The following TMX1 variants were observed in gnomAD, a reference collection of about 807,000 sequenced individuals.
TMX1 encodes thioredoxin-related transmembrane protein 1.
Under a neutral mutation model 36.6 loss-of-function variants are expected in TMX1, and 25 were observed. That is an observed-to-expected ratio of 0.68 (90% CI 0.50 to 0.95). The LOEUF (loss-of-function observed/expected upper bound fraction) is 0.95. Ranked by LOEUF, TMX1 falls within the 40% of genes least tolerant of loss-of-function variation. The pLI, the probability that TMX1 is intolerant of heterozygous loss-of-function variation, is 0.00. For missense variants in TMX1, 347 were observed against 339.6 expected (o/e 1.02, Z -0.17); for synonymous variants, 133 against 118.0 (o/e 1.13, Z -0.82).
At chr14:51,247,916 G>A (rs769174664) in intron 4 of TMX1, among the ~76,000 whole-genome samples, 2 of 152,156 alleles carry the variant, frequency 1.3e-5, no homozygotes, top group Non-Finnish European at 2.9e-5. Flanking sequence ...ACTTCAATTT[G>A]TCTTTTAATG....
At chr14:51,241,601 G>A (rs918235214) in intron 1 of TMX1, among the ~76,000 whole-genome samples, 7 of 152,260 alleles carry the variant, frequency 4.6e-5, no homozygotes, top group Admixed American at 3.3e-4. Flanking sequence ...AGTGGCGTAC[G>A]CTACCCAGGA....
Position 51,257,650 on chromosome 14 carries a change from T to C in TMX1, c.*3131T>C, listed in dbSNP as rs2065844610. ...AATTTAAGTTGGAATTTTGGTAATA[T>C]GTAAATAGCAAAGTCAGATTATATA... On this transcript the variant is annotated 3_prime_UTR_variant, in exon 8 of 8. Coordinates refer to ENST00000457354, the MANE Select transcript of TMX1 (RefSeq NM_030755.5). 1 of 152,214 alleles carries C rather than the reference T, an allele frequency of 6.6e-6. No homozygotes were observed. The highest frequency in any genetic ancestry group is 1.5e-5 in the Non-Finnish European group (1 of 68,032). 9.4% of individuals were successfully genotyped at this position (152,214 alleles called of 1,614,324 possible).
chr14:51,240,949 G>A (rs1039288289), intron 1 of TMX1, among the ~76,000 whole-genome samples: 1 of 151,970 alleles, frequency 6.6e-6, no homozygotes, highest in Admixed American at 6.5e-5. Flanking sequence ...TAATGGATTG[G>A]GTACGTTTCT....
chr14:51,245,602 G>A, intron 3 of TMX1: 1 of 905,814 alleles, frequency 1.1e-6, no homozygotes, highest in Admixed American at 2.5e-5. Flanking sequence ...CTTGTGAAAT[G>A]GTGTGATCCT....
At chr14:51,247,253 CA>C (rs2065789959) in intron 4 of TMX1, 33 bp downstream of exon 4, 1 of 1,574,170 alleles carries the variant, frequency 6.4e-7, no homozygotes, top group African/African-American at 1.4e-5. Flanking sequence ...TTACCCATTT[CA>C]TAATTAATTG....
chr14:51,241,856 G>A (rs1365287647), intron 1 of TMX1, among the ~76,000 whole-genome samples: 1 of 152,160 alleles, frequency 6.6e-6, no homozygotes, highest in Non-Finnish European at 1.5e-5. Context: ...ACTGGCCGGC[G>A]CGGTGGCTCA....
In TMX1 at chr14:51,244,777, C is replaced by CA. The variant is rs1258188677; in HGVS notation, c.269-535dup. 2.0e-5 allele frequency among the ~76,000 whole-genome samples: 3 copies of CA among 152,276 alleles called. No individual in the cohort carries two copies. The East Asian group carries it at 5.8e-4, about 29-fold the overall frequency. On this transcript the variant is annotated intron_variant, in intron 2 of 7. Coordinates refer to ENST00000457354, the MANE Select transcript of TMX1 (RefSeq NM_030755.5). ...AACCCCGTGAAATATGTAATGTCCCCATTTCACAGATAAGAAAACTGAGGC... is the reference window on the plus strand; with the variant it reads ...AACCCCGTGAAATATGTAATGTCCCCAATTTCACAGATAAGAAAACTGAGGC...
intron 2 of TMX1, 90 bp downstream of exon 2, chr14:51,244,061 C>A: frequency 1.9e-6 from 2 of 1,077,592 alleles, no homozygotes; most frequent in Non-Finnish European, 2.5e-6. Flanking sequence ...TTAATTCTAC[C>A]TTTCTTTAGG....
chr14:51,253,541 A>G (rs1157649290), intron 7 of TMX1, among the ~76,000 whole-genome samples: 2 of 152,170 alleles, frequency 1.3e-5, no homozygotes, highest in African/African-American at 2.4e-5. Context: ...TTGATTGCCT[A>G]GGATTGGGGG....
intron 1 of TMX1, 90 bp downstream of exon 1, chr14:51,240,534 G>A (rs1389333814): frequency 6.7e-7 from 1 of 1,496,540 alleles, no homozygotes; most frequent in Non-Finnish European, 8.9e-7. Flanking sequence ...GGCTCCCCAG[G>A]ACTGCGCCTC....
At chr14:51,244,005 G>A (rs1483662099) in intron 2 of TMX1, 34 bp downstream of exon 2, 1 of 1,539,568 alleles carries the variant, frequency 6.5e-7, no homozygotes, top group Non-Finnish European at 8.9e-7. Context: ...TTGTTTCTTT[G>A]CTGTTTGGGT....
intron 1 of TMX1, among the ~76,000 whole-genome samples, chr14:51,241,896 G>A (rs2065763411): frequency 6.6e-6 from 1 of 152,212 alleles, no homozygotes; most frequent in Admixed American, 6.5e-5. Context: ...TTGGGAGGCC[G>A]AGGCCGGTGG....
intron 2 of TMX1, among the ~76,000 whole-genome samples, chr14:51,245,058 T>A (rs1263863925): frequency 6.6e-6 from 1 of 152,196 alleles, no homozygotes; most frequent in Non-Finnish European, 1.5e-5. Flanking sequence ...ATATAAATGT[T>A]GAAGTGTTTT....
In TMX1 at chr14:51,257,644, G is replaced by A. The variant is rs1397633352; in HGVS notation, c.*3125G>A. On this transcript the variant is annotated 3_prime_UTR_variant, in exon 8 of 8. Transcript: ENST00000457354. ...ACAATAAATTTAAGTTGGAATTTTG[G>A]TAATATGTAAATAGCAAAGTCAGAT... 6.6e-6 allele frequency: 1 copy of A among 152,108 alleles called. No individual in the cohort carries two copies. The highest frequency in any genetic ancestry group is 1.5e-5 in the Non-Finnish European group (1 of 68,014). 9.4% of individuals were successfully genotyped at this position (152,108 alleles called of 1,614,324 possible).
chr14:51,245,231 T>A (rs1385868647), intron 2 of TMX1, 82 bp from the exon 3 acceptor site: 1 of 1,449,266 alleles, frequency 6.9e-7, no homozygotes, highest in Non-Finnish European at 9.6e-7. Context: ...CCTATTAGTA[T>A]GTATTTAAAT....
At chr14:51,240,912 T>C (rs951241921) in intron 1 of TMX1, among the ~76,000 whole-genome samples, 2 of 152,214 alleles carry the variant, frequency 1.3e-5, no homozygotes, top group African/African-American at 4.8e-5. Flanking sequence ...TTTATGGTGT[T>C]GGAATTTGGC....
intron 7 of TMX1, among the ~76,000 whole-genome samples, chr14:51,252,836 G>C (rs2065820698): frequency 6.6e-6 from 1 of 152,144 alleles, no homozygotes; most frequent in Non-Finnish European, 1.5e-5. Flanking sequence ...GATCCTTAAG[G>C]CTCAAATGAT....
At position 51,256,367 on chromosome 14, in the gene TMX1, G is replaced by A. The variant is rs190556412; in HGVS notation, c.*1848G>A. The A allele has an allele frequency of 6.6e-6, 1 of 152,122 alleles. No homozygotes were observed. Among genetic ancestry groups the A allele is most frequent in the Admixed American group, 6.5e-5 (1 of 15,294 alleles). The allele number at this position is 152,122 out of a possible 1,614,324, so 9.4% of individuals were successfully genotyped here. On this transcript the variant is annotated 3_prime_UTR_variant, in exon 8 of 8. Coordinates refer to ENST00000457354, the MANE Select transcript of TMX1 (RefSeq NM_030755.5). Reference sequence around the variant, plus strand: ...CCTGTACTATAGAAAATGTAAAGTTGGCTGAACAGATAGGGTCTTGAAATT... The same window carrying A: ...CCTGTACTATAGAAAATGTAAAGTTAGCTGAACAGATAGGGTCTTGAAATT...
chr14:51,256,299 A>G lies in TMX1; in HGVS notation c.*1780A>G, dbSNP rs2065838113. 1 of 152,004 alleles carries G rather than the reference A, an allele frequency of 6.6e-6. No individual in the cohort carries two copies. Among genetic ancestry groups the G allele is most frequent in the East Asian group, 1.9e-4 (1 of 5,184 alleles). 9.4% of individuals were successfully genotyped at this position (152,004 alleles called of 1,614,324 possible). A position where few individuals can be genotyped will look rare whatever the true frequency, so the allele number is the denominator to read the frequency against. ...GAAAATATGTGACCAGAAAGATTCT[A>G]TAGAGTAAAAAATCAAAGCAAAACA... On this transcript the variant is annotated 3_prime_UTR_variant, in exon 8 of 8. Coordinates refer to ENST00000457354, the MANE Select transcript of TMX1 (RefSeq NM_030755.5).
Sources: allele counts gnomAD v4.1 joint callset (sites outside exome capture counted in the v4.1 genomes callset), GRCh38; gene constraint gnomAD v4.1.1; transcripts MANE v1.5; gene names NCBI Gene and HGNC (gene_info 2026-07-23, HGNC 2026-07-21).